Variants in EBF1 observed in about 807,000 individuals in gnomAD.
The protein encoded by EBF1 is EBF transcription factor 1, also known as transcription factor COE1.
Under a neutral mutation model 68.4 loss-of-function variants are expected in EBF1, and 10 were observed. The ratio of observed to expected loss-of-function variants is 0.15; its 90% CI spans 0.09 to 0.25. EBF1 has a LOEUF of 0.25. EBF1 is among the 10% of genes least tolerant of loss of function. EBF1 has a pLI of 1.00. For missense variants in EBF1, 509 were observed against 794.4 expected (o/e 0.64, Z 4.32); for synonymous variants, 298 against 299.8 (o/e 0.99, Z 0.06).
intron 6 of EBF1, among the ~76,000 whole-genome samples, chr5:159,067,795 G>A (rs889718479): frequency 2.2e-4 from 33 of 151,856 alleles, no homozygotes; most frequent in African/African-American, 7.3e-4. Context: ...AACACACTAA[G>A]GTTAATAAAC....
At chr5:158,756,148 G>A (rs993360647) in intron 10 of EBF1, among the ~76,000 whole-genome samples, 9 of 152,070 alleles carry the variant, frequency 5.9e-5, no homozygotes, top group African/African-American at 2.2e-4. Flanking sequence ...GAGCCCCCCA[G>A]ATTCCAGGCT....
At chr5:158,738,878 C>A (rs1765739823) in intron 10 of EBF1, among the ~76,000 whole-genome samples, 1 of 152,130 alleles carries the variant, frequency 6.6e-6, no homozygotes, top group East Asian at 1.9e-4. Context: ...ATCCGTGAAA[C>A]AAAATCCCAG....
Position 159,039,091 on chromosome 5 carries a change from C to A in EBF1, c.554+34305G>T, listed in dbSNP as rs1371183603. Among the ~76,000 whole-genome samples, 3 of 152,196 alleles carry A rather than the reference C, an allele frequency of 2.0e-5. No individual in the cohort carries two copies. The East Asian group carries it at 5.8e-4, about 29-fold the overall frequency. The stretch of plus-strand genomic sequence containing the variant: ...GAAATCCATTTACTCAATCTGCTAA[C>A]CCCAAAACCAAAACAAAGAGTCTGT... On this transcript the variant is annotated intron_variant, in intron 6 of 15. Coordinates refer to ENST00000313708, the MANE Select transcript of EBF1 (RefSeq NM_024007.5).
intron 6 of EBF1, among the ~76,000 whole-genome samples, chr5:158,987,686 G>T (rs1024003429): frequency 1.3e-5 from 2 of 152,284 alleles, no homozygotes; most frequent in Non-Finnish European, 1.5e-5. Context: ...ACATGTGTCC[G>T]TGGGTGCCTA....
At chr5:159,008,642 C>T (rs549491908) in intron 6 of EBF1, among the ~76,000 whole-genome samples, 89 of 151,834 alleles carry the variant, frequency 5.9e-4, no homozygotes, top group African/African-American at 1.9e-3. Context: ...TCTCCCGCCT[C>T]AGCCTCCCAA....
At chr5:158,931,283 C>G (rs1388643481) in intron 6 of EBF1, among the ~76,000 whole-genome samples, 1 of 152,196 alleles carries the variant, frequency 6.6e-6, no homozygotes, top group Non-Finnish European at 1.5e-5. Flanking sequence ...TCAACATACT[C>G]CACACTTATT....
chr5:158,924,852 CAAAAAAAAAAAA>C (rs34744460), intron 6 of EBF1, among the ~76,000 whole-genome samples: 2 of 50,892 alleles, frequency 3.9e-5, no homozygotes, highest in Non-Finnish European at 7.4e-5. Context: ...GACTCTGTCT[CAAAAAAAAAAAA>C]AAAAAAAAAA....
chr5:158,924,248 G>A (rs941254112), intron 6 of EBF1, among the ~76,000 whole-genome samples: 4 of 152,112 alleles, frequency 2.6e-5, no homozygotes, highest in South Asian at 2.1e-4. Flanking sequence ...CTGCCTTTTC[G>A]CTGTGAAAGC....
chr5:158,698,260 A>G lies in EBF1; in HGVS notation c.*851T>C. 1 of 220,672 alleles carries G rather than the reference A, an allele frequency of 4.5e-6. No homozygotes were observed. The highest frequency in any genetic ancestry group is 6.5e-5 in the East Asian group (1 of 15,306). 13.7% of individuals were successfully genotyped at this position (220,672 alleles called of 1,614,324 possible). A position where few individuals can be genotyped will look rare whatever the true frequency, so the allele number is the denominator to read the frequency against. Reference sequence around the variant, plus strand: ...CCATGAAGTCTCAAAGGAGATTCTCACACAGTATGTGTGCCACCAAGCTCT... The same window carrying G: ...CCATGAAGTCTCAAAGGAGATTCTCGCACAGTATGTGTGCCACCAAGCTCT... On this transcript the variant is annotated 3_prime_UTR_variant, in exon 16 of 16. Transcript: ENST00000313708.
At chr5:159,088,498 T>C (rs1225600463) in intron 4 of EBF1, among the ~76,000 whole-genome samples, 1 of 152,150 alleles carries the variant, frequency 6.6e-6, no homozygotes, top group African/African-American at 2.4e-5. Flanking sequence ...CTTCCTAATT[T>C]AAATATGTGC....
intron 6 of EBF1, among the ~76,000 whole-genome samples, chr5:158,904,422 A>G (rs1804113946): frequency 6.6e-6 from 1 of 152,202 alleles, no homozygotes; most frequent in Non-Finnish European, 1.5e-5. Flanking sequence ...AAAACTTCAA[A>G]GCACAATTCA....
At chr5:158,958,946 G>GTATAT (rs1817655184) in intron 6 of EBF1, among the ~76,000 whole-genome samples, 2 of 152,130 alleles carry the variant, frequency 1.3e-5, no homozygotes, top group African/African-American at 4.8e-5. Context: ...TTGCCCACAC[G>GTATAT]ATTCGCACAT....
chr5:158,845,815 G>A (rs749064923), intron 6 of EBF1, among the ~76,000 whole-genome samples: 3 of 152,040 alleles, frequency 2.0e-5, no homozygotes, highest in Admixed American at 6.5e-5. Flanking sequence ...GCCTTAAATC[G>A]TGGAGAACTC....
At chr5:158,754,416 C>T (rs553821282) in intron 10 of EBF1, among the ~76,000 whole-genome samples, 3 of 152,224 alleles carry the variant, frequency 2.0e-5, no homozygotes, top group South Asian at 2.1e-4. Context: ...GTCCCCAGTG[C>T]TCAACTGACA....
intron 6 of EBF1, among the ~76,000 whole-genome samples, chr5:158,856,722 A>C (rs139878943): frequency 1.3e-5 from 2 of 152,364 alleles, no homozygotes; most frequent in Non-Finnish European, 2.9e-5. Flanking sequence ...CCAGGTAAGA[A>C]ACCAGCTGAA....
chr5:158,993,097 T>A (rs989403925), intron 6 of EBF1, among the ~76,000 whole-genome samples: 3 of 151,042 alleles, frequency 2.0e-5, no homozygotes, highest in African/African-American at 7.3e-5. Flanking sequence ...CCCAGCTAAT[T>A]TTTTTGTATT....
intron 8 of EBF1, among the ~76,000 whole-genome samples, chr5:158,805,723 T>G (rs556134623): frequency 6.6e-6 from 1 of 152,170 alleles, no homozygotes; most frequent in South Asian, 2.1e-4. Flanking sequence ...GGAGTTTACG[T>G]TGATGTTTGC....
At chr5:158,904,054 C>A (rs1211674380) in intron 6 of EBF1, among the ~76,000 whole-genome samples, 2 of 152,088 alleles carry the variant, frequency 1.3e-5, no homozygotes, top group Admixed American at 1.3e-4. Context: ...AGCTGCAAAA[C>A]CAAACCCAAG....
intron 10 of EBF1, among the ~76,000 whole-genome samples, chr5:158,773,802 G>A (rs558297940): frequency 2.6e-5 from 4 of 152,154 alleles, no homozygotes; most frequent in Non-Finnish European, 4.4e-5. Context: ...ATCACGATTC[G>A]AAAAGATCCA....
Sources: gnomAD v4.1 joint callset for allele counts (sites outside exome capture counted in the v4.1 genomes callset) on GRCh38, gnomAD v4.1.1 for gene constraint, MANE v1.5 for transcripts, NCBI Gene and HGNC (gene_info 2026-07-23, HGNC 2026-07-21) for gene names.